Variants in EMSY observed in about 807,000 individuals in gnomAD.
The protein encoded by EMSY is EMSY transcriptional repressor, BRCA2 interacting.
EMSY carries 26 observed loss-of-function variants against 134.6 expected under a neutral mutation model. That is an observed-to-expected ratio of 0.19 (90% CI 0.14 to 0.27). The LOEUF (loss-of-function observed/expected upper bound fraction) is 0.27. Ranked by LOEUF, EMSY falls within the 10% of genes least tolerant of loss-of-function variation. The probability of loss-of-function intolerance (pLI) is 1.00; values close to 1 mark genes in which losing one functional copy is unlikely to be tolerated. For missense variants in EMSY, 1,305 were observed against 1,611.4 expected, an observed-to-expected ratio of 0.81 and a Z score of 3.26; for synonymous variants, 579 against 577.8, an observed-to-expected ratio of 1.00 and a Z score of -0.03.
intron 14 of EMSY, among the ~76,000 whole-genome samples, chr11:76,531,696 C>A (rs1267422098): frequency 1.3e-5 from 2 of 152,142 alleles, no homozygotes; most frequent in South Asian, 2.1e-4. Flanking sequence ...ATATAAATAT[C>A]ATGTTCCTCA....
chr11:76,486,095 T>C (rs995340401), intron 8 of EMSY, among the ~76,000 whole-genome samples: 2 of 152,334 alleles, frequency 1.3e-5, no homozygotes, highest in Middle Eastern at 3.4e-3. Context: ...TTTCATGTCC[T>C]TTGCGGGGAC....
chr11:76,516,120 T>C, intron 10 of EMSY, 22 bp from the exon 12 acceptor site: 1 of 1,596,804 alleles, frequency 6.3e-7, no homozygotes, highest in Non-Finnish European at 8.6e-7. Flanking sequence ...AAGTTTTTCT[T>C]TTGGCTTTTC....
Position 76,539,198 on chromosome 11 carries a change from T to A in EMSY, c.2516-401T>A, listed in dbSNP as rs920068394. 3.3e-5 allele frequency among the ~76,000 whole-genome samples: 5 copies of A among 152,310 alleles called. No individual in the cohort carries two copies. In the East Asian group the frequency reaches 9.7e-4, roughly 29 times the overall value. ...TTTATTACTTTGAAATTTGAAATAGTTCAGAGAGCAGTAATGTGAATAATT... is the reference window on the plus strand; with the variant it reads ...TTTATTACTTTGAAATTTGAAATAGATCAGAGAGCAGTAATGTGAATAATT... On this transcript the variant is annotated intron_variant, in intron 16 of 20. Transcript: ENST00000334736.
intron 8 of EMSY, among the ~76,000 whole-genome samples, chr11:76,482,286 A>G (rs1949013101): frequency 6.6e-6 from 1 of 152,248 alleles, no homozygotes; most frequent in Non-Finnish European, 1.5e-5. Context: ...ATCCATGAAG[A>G]TGAGGAAAAA....
At chr11:76,537,115 C>G (rs962481303) in intron 15 of EMSY, among the ~76,000 whole-genome samples, 6 of 152,094 alleles carry the variant, frequency 3.9e-5, no homozygotes, top group Non-Finnish European at 7.4e-5. Context: ...CATGCTGAGC[C>G]ATTTCTCTTA....
rs2136928979 is a variant in EMSY, at chr11:76,550,075, C to T, written c.3898C>T (p.Gln1300Ter). 6.2e-7 allele frequency: 1 copy of T among 1,613,884 alleles called. No homozygotes were observed. The highest frequency in any genetic ancestry group is 8.5e-7 in the Non-Finnish European group (1 of 1,179,916). Residue 1300 changes from glutamine to a stop codon, truncating the protein, a stop_gained, in exon 21 of 21, where the codon CAG becomes TAG. Transcript: ENST00000334736. LOFTEE classifies it high-confidence loss of function. ...GGATGATGAGGAGACAGCAATGGAG[C>T]AGGACATAGACAGTAGCACGGAGGA...
chr11:76,471,905 G>A (rs530088887), intron 7 of EMSY, among the ~76,000 whole-genome samples: 2 of 152,242 alleles, frequency 1.3e-5, no homozygotes, highest in Admixed American at 1.3e-4. Context: ...ACTGCTCCCT[G>A]TGCTGATGGA....
intron 8 of EMSY, among the ~76,000 whole-genome samples, chr11:76,488,771 C>A (rs977128772): frequency 1.3e-5 from 2 of 152,146 alleles, no homozygotes; most frequent in African/African-American, 4.8e-5. Context: ...TCACCTTTCT[C>A]TTTGCTTTTC....
chr11:76,463,454 T>G (rs973068619), intron 6 of EMSY, among the ~76,000 whole-genome samples: 5 of 150,294 alleles, frequency 3.3e-5, no homozygotes, highest in African/African-American at 1.2e-4. Context: ...AAACCCCGTC[T>G]CTACTAAAAA....
chr11:76,492,166 G>GAAGACAT (rs1358602971), intron 8 of EMSY, among the ~76,000 whole-genome samples: 1 of 152,158 alleles, frequency 6.6e-6, no homozygotes, highest in Non-Finnish European at 1.5e-5. Flanking sequence ...TTTATGTGTT[G>GAAGACAT]AAGACATGGA....
chr11:76,537,904 A>G, exon 16 of EMSY: 1 of 1,613,880 alleles, frequency 6.2e-7, no homozygotes, highest in Non-Finnish European at 8.5e-7. Flanking sequence ...AGAGTCCATC[A>G]ATTGCTGTGG....
intron 14 of EMSY, 38 bp downstream of exon 15, chr11:76,528,504 C>T: frequency 6.8e-7 from 1 of 1,475,992 alleles, no homozygotes; most frequent in South Asian, 1.2e-5. Context: ...ATAAGTACTA[C>T]TGACATAGTG....
intron 15 of EMSY, among the ~76,000 whole-genome samples, chr11:76,537,382 C>A (rs1342454921): frequency 6.6e-6 from 1 of 152,086 alleles, no homozygotes; most frequent in Admixed American, 6.5e-5. Flanking sequence ...CTGTGTTGTG[C>A]TATTCTGGGT....
At chr11:76,471,206 T>A (rs1302839488) in intron 7 of EMSY, among the ~76,000 whole-genome samples, 2 of 152,156 alleles carry the variant, frequency 1.3e-5, no homozygotes, top group Non-Finnish European at 2.9e-5. Context: ...GGTAGAGTAA[T>A]GATTTTTTAA....
chr11:76,477,324 T>G (rs999142781), intron 8 of EMSY, among the ~76,000 whole-genome samples: 1 of 150,980 alleles, frequency 6.6e-6, no homozygotes, highest in African/African-American at 2.4e-5. Context: ...TTTGAAAATT[T>G]TTGCTAAATT....
At chr11:76,446,052 G>GTTCA (rs1237809440) in intron 1 of EMSY, among the ~76,000 whole-genome samples, 2 of 152,030 alleles carry the variant, frequency 1.3e-5, no homozygotes, top group Non-Finnish European at 2.9e-5. Context: ...CAGTGAGCTC[G>GTTCA]TTCATTCATT....
chr11:76,520,500 T>A (rs1363915107), intron 11 of EMSY, among the ~76,000 whole-genome samples: 1 of 152,098 alleles, frequency 6.6e-6, no homozygotes, highest in Non-Finnish European at 1.5e-5. Flanking sequence ...TAAAGTTAAT[T>A]AAGAGTTAAA....
chr11:76,547,871 A>G (rs1179113729), intron 20 of EMSY, among the ~76,000 whole-genome samples: 2 of 152,254 alleles, frequency 1.3e-5, no homozygotes, highest in Non-Finnish European at 2.9e-5. Flanking sequence ...ATTCGCAGCC[A>G]GCTTTTAGCA....
At chr11:76,474,792 C>T (rs1161883435) in intron 8 of EMSY, among the ~76,000 whole-genome samples, 2 of 152,136 alleles carry the variant, frequency 1.3e-5, no homozygotes, top group Non-Finnish European at 2.9e-5. Flanking sequence ...GAGATAGAGT[C>T]TCCCTCTGTC....
Sources: allele counts gnomAD v4.1 joint callset (sites outside exome capture counted in the v4.1 genomes callset), GRCh38; gene constraint gnomAD v4.1.1; transcripts MANE v1.5; gene names NCBI Gene and HGNC (gene_info 2026-07-23, HGNC 2026-07-21).